MDGA2: variants seen among roughly 807,000 people sequenced by gnomAD.
MDGA2 encodes the protein MAM domain-containing glycosylphosphatidylinositol anchor protein 2.
Under a neutral mutation model 117.8 loss-of-function variants are expected in MDGA2, and 40 were observed. The ratio of observed to expected loss-of-function variants is 0.34; its 90% CI spans 0.26 to 0.44. The LOEUF is 0.44. Ranked by LOEUF, MDGA2 falls within the 20% of genes least tolerant of loss-of-function variation. MDGA2 has a pLI of 1.00. For missense variants in MDGA2, 1,123 were observed against 1,250.6 expected (o/e 0.90, Z 1.54); for synonymous variants, 452 against 439.0 (o/e 1.03, Z -0.37).
intron 1 of MDGA2, among the ~76,000 whole-genome samples, chr14:47,620,465 T>C (rs1277503770): frequency 6.6e-6 from 1 of 152,224 alleles, no homozygotes; most frequent in African/African-American, 2.4e-5. Flanking sequence ...AAAGATTTGA[T>C]TACACGTGAA....
At chr14:47,549,746 G>C (rs1012773545) in intron 1 of MDGA2, among the ~76,000 whole-genome samples, 2 of 152,050 alleles carry the variant, frequency 1.3e-5, no homozygotes, top group Non-Finnish European at 2.9e-5. Context: ...AGACACCAAA[G>C]AGCACTCTTT....
intron 1 of MDGA2, among the ~76,000 whole-genome samples, chr14:47,502,985 T>C (rs1894428825): frequency 6.6e-6 from 1 of 152,114 alleles, no homozygotes; most frequent in South Asian, 2.1e-4. Flanking sequence ...AGCTAAACGA[T>C]ACTTTTTAAT....
chr14:47,598,479 A>G (rs575376294), intron 1 of MDGA2, among the ~76,000 whole-genome samples: 2 of 152,354 alleles, frequency 1.3e-5, no homozygotes, highest in African/African-American at 4.8e-5. Flanking sequence ...CATACAATCA[A>G]GTATTGTTCA....
chr14:47,522,440 C>T (rs114289987), intron 1 of MDGA2, among the ~76,000 whole-genome samples: 2,185 of 151,812 alleles, frequency 0.014, 42 homozygotes, highest in African/African-American at 0.049. Flanking sequence ...TCTAAAGAAA[C>T]TGCCTTCTCT....
intron 1 of MDGA2, among the ~76,000 whole-genome samples, chr14:47,590,710 T>C (rs1896420745): frequency 6.6e-6 from 1 of 152,016 alleles, no homozygotes; most frequent in East Asian, 1.9e-4. Context: ...ACATGATGGC[T>C]GATGTGATTA....
intron 1 of MDGA2, among the ~76,000 whole-genome samples, chr14:47,434,150 T>C (rs762724079): frequency 3.9e-5 from 6 of 152,092 alleles, no homozygotes; most frequent in Non-Finnish European, 7.4e-5. Context: ...CATTTAAGAA[T>C]AGCTTATCAA....
chr14:46,869,967 A>C (rs1354875502), intron 14 of MDGA2, among the ~76,000 whole-genome samples: 1 of 151,894 alleles, frequency 6.6e-6, no homozygotes, highest in East Asian at 1.9e-4. Context: ...TATCCTCCCC[A>C]AACTGAGTCT....
At position 47,532,145 on chromosome 14, in the gene MDGA2, C is replaced by T. The variant is rs980114543; in HGVS notation, c.280+142372G>A. ...TATAATTGCATCAAACAGCAGTCTT[C>T]GCCTCTACATATTTATGATTAATTA... is the stretch of plus-strand genomic sequence containing the variant. On this transcript the variant is annotated intron_variant, in intron 1 of 16. Transcript: ENST00000399232. Among the ~76,000 whole-genome samples, 8 of 152,286 alleles carry T rather than the reference C, an allele frequency of 5.3e-5. No individual in the cohort carries two copies. In the South Asian group the frequency reaches 6.2e-4, roughly 12 times the overall value.
At chr14:46,960,339 C>T (rs987607907) in intron 8 of MDGA2, 2 of 152,018 alleles carry the variant, frequency 1.3e-5, no homozygotes, top group East Asian at 3.9e-4. Flanking sequence ...GTAGACTTTC[C>T]ATCTGTGATG....
intron 1 of MDGA2, among the ~76,000 whole-genome samples, chr14:47,612,646 A>G (rs1896873530): frequency 6.6e-6 from 1 of 152,126 alleles, no homozygotes; most frequent in South Asian, 2.1e-4. Context: ...GTATGCTTCT[A>G]TACCTTCTCC....
At chr14:47,639,831 C>T (rs978786256) in intron 1 of MDGA2, among the ~76,000 whole-genome samples, 1 of 152,112 alleles carries the variant, frequency 6.6e-6, no homozygotes, top group Non-Finnish European at 1.5e-5. Flanking sequence ...AGAAACACTG[C>T]CTGGACAATC....
chr14:47,230,762 T>G (rs1886661925), intron 2 of MDGA2, among the ~76,000 whole-genome samples: 1 of 151,950 alleles, frequency 6.6e-6, no homozygotes, highest in Admixed American at 6.6e-5. Context: ...GATTGAAAGC[T>G]ATCAATAAGA....
chr14:47,180,649 T>C (rs1194722757), intron 3 of MDGA2, among the ~76,000 whole-genome samples: 1 of 152,096 alleles, frequency 6.6e-6, no homozygotes, highest in Non-Finnish European at 1.5e-5. Flanking sequence ...GCAGTCAGAA[T>C]GGCTATTATT....
At chr14:46,982,738 C>CAAAAAAAAAAAAAAAA (rs1566558888) in intron 8 of MDGA2, among the ~76,000 whole-genome samples, 1 of 120,270 alleles carries the variant, frequency 8.3e-6, no homozygotes, top group Non-Finnish European at 1.7e-5. Context: ...AAAAAAAAAT[C>CAAAAAAAAAAAAAAAA]ATGTCATCTG....
chr14:47,403,864 A>C (rs1171648534), intron 1 of MDGA2, among the ~76,000 whole-genome samples: 3 of 152,146 alleles, frequency 2.0e-5, no homozygotes, highest in Non-Finnish European at 4.4e-5. Context: ...CTCTATACCC[A>C]GAGAAAAGGG....
chr14:47,323,139 A>C (rs2139882283), intron 1 of MDGA2, among the ~76,000 whole-genome samples: 1 of 129,814 alleles, frequency 7.7e-6, no homozygotes, highest in African/African-American at 2.9e-5. Context: ...CCAGAGAAAA[A>C]AGAGTCATGG....
intron 1 of MDGA2, among the ~76,000 whole-genome samples, chr14:47,357,419 A>T (rs748158210): frequency 1.3e-5 from 2 of 152,206 alleles, no homozygotes; most frequent in Non-Finnish European, 1.5e-5. Flanking sequence ...TTCACTAGAC[A>T]GTGTAGGGTT....
intron 1 of MDGA2, among the ~76,000 whole-genome samples, chr14:47,583,843 C>T (rs1896272915): frequency 6.6e-6 from 1 of 151,700 alleles, no homozygotes; most frequent in African/African-American, 2.4e-5. Flanking sequence ...CTTAGTCGTC[C>T]CTTTAGTCTT....
At chr14:47,332,757 A>G (rs987154080) in intron 1 of MDGA2, among the ~76,000 whole-genome samples, 26 of 151,866 alleles carry the variant, frequency 1.7e-4, no homozygotes. Context: ...AACCATTACC[A>G]AAATCGTGCA....
Sources: gnomAD v4.1 joint callset for allele counts (sites outside exome capture counted in the v4.1 genomes callset) on GRCh38, gnomAD v4.1.1 for gene constraint, MANE v1.5 for transcripts, NCBI Gene and HGNC (gene_info 2026-07-23, HGNC 2026-07-21) for gene names.